Variants in ZNF254 observed in about 807,000 individuals in gnomAD.
The protein encoded by ZNF254 is zinc finger protein 254.
A neutral mutation model predicts 12.4 loss-of-function variants in ZNF254; 10 were observed. That is an observed-to-expected ratio of 0.80 (90% CI 0.50 to 1.36). ZNF254 has a LOEUF of 1.36. Ranked by LOEUF, ZNF254 falls within the 40% of genes most tolerant of loss-of-function variation. ZNF254 has a pLI of 0.00. For missense variants in ZNF254, 996 were observed against 763.9 expected (o/e 1.30, Z -3.58); for synonymous variants, 305 against 253.4 (o/e 1.20, Z -1.93).
intron 1 of ZNF254, among the ~76,000 whole-genome samples, chr19:24,094,491 T>C (rs956408140): frequency 1.2e-4 from 18 of 152,038 alleles, no homozygotes; most frequent in Non-Finnish European, 1.9e-4. Flanking sequence ...GAACTTCTGA[T>C]CTCGTGAGCC....
At chr19:24,115,166 C>A (rs1016426084) in intron 3 of ZNF254, among the ~76,000 whole-genome samples, 4 of 152,034 alleles carry the variant, frequency 2.6e-5, no homozygotes, top group Non-Finnish European at 4.4e-5. Flanking sequence ...CCACCCAACC[C>A]ATTACTGGGT....
At chr19:24,056,611 A>T (rs1369302753) in intron 2 of ZNF254, among the ~76,000 whole-genome samples, 2 of 152,146 alleles carry the variant, frequency 1.3e-5, no homozygotes, top group Non-Finnish European at 2.9e-5. Flanking sequence ...ATTGTGACAT[A>T]TCTTTAAGAG....
At chr19:24,062,472 G>A (rs1017664823) in intron 2 of ZNF254, among the ~76,000 whole-genome samples, 19 of 152,196 alleles carry the variant, frequency 1.2e-4, no homozygotes, top group Admixed American at 1.2e-3. Context: ...TTGGAGAGAT[G>A]TTAAATGTCA....
chr19:24,126,614 A>C lies in ZNF254; in HGVS notation c.614A>C (p.His205Pro), dbSNP rs756212232. ...SHKTQHKSIYHREKSYKCKEC... is the reference protein window; with the variant it reads ...SHKTQHKSIYPREKSYKCKEC... ...AAAACCCAACACAAAAGCATTTATCATAGAGAGAAGTCCTACAAATGTAAA... is the reference window on the plus strand; with the variant it reads ...AAAACCCAACACAAAAGCATTTATCCTAGAGAGAAGTCCTACAAATGTAAA... Residue 205 changes from histidine to proline, a missense_variant, in exon 4 of 4, where the codon CAT becomes CCT. Coordinates refer to ENST00000357002, the MANE Select transcript of ZNF254 (RefSeq NM_203282.4). The C allele has an allele frequency of 3.1e-6, 5 of 1,607,720 alleles. No individual in the cohort carries two copies. The highest frequency in any genetic ancestry group is 1.3e-5 in the African/African-American group (1 of 74,482).
At chr19:24,039,045 T>A (rs894295275) in intron 1 of ZNF254, among the ~76,000 whole-genome samples, 1 of 152,220 alleles carries the variant, frequency 6.6e-6, no homozygotes, top group Non-Finnish European at 1.5e-5. Context: ...AGTTCCAAAT[T>A]TTGAGTCCAG....
At chr19:24,042,017 T>C (rs2145206625) in intron 1 of ZNF254, among the ~76,000 whole-genome samples, 1 of 138,852 alleles carries the variant, frequency 7.2e-6, no homozygotes. Context: ...TGTATCTAGC[T>C]GCTCTGGTGA....
chr19:24,070,265 A>G (rs1488779764), intron 2 of ZNF254, among the ~76,000 whole-genome samples: 1 of 152,270 alleles, frequency 6.6e-6, no homozygotes, highest in Non-Finnish European at 1.5e-5. Flanking sequence ...CATATTGCAT[A>G]AAGTCCTCAG....
At chr19:24,045,826 C>T (rs1211406470) in intron 1 of ZNF254, among the ~76,000 whole-genome samples, 1 of 151,874 alleles carries the variant, frequency 6.6e-6, no homozygotes, top group Non-Finnish European at 1.5e-5. Flanking sequence ...ATAACAAGGG[C>T]TTTATTTCTT....
At chr19:24,087,991 C>G (rs1031754882) in intron 1 of ZNF254, among the ~76,000 whole-genome samples, 1 of 145,422 alleles carries the variant, frequency 6.9e-6, no homozygotes, top group Non-Finnish European at 1.5e-5. Context: ...TCTCGACTCA[C>G]TGCAACCTCC....
intron 2 of ZNF254, among the ~76,000 whole-genome samples, chr19:24,050,530 A>T (rs916716212): frequency 6.6e-6 from 1 of 152,232 alleles, no homozygotes; most frequent in African/African-American, 2.4e-5. Context: ...CACCAAGGTG[A>T]TATGACTCTC....
At chr19:24,054,044 G>A (rs1389527366) in intron 2 of ZNF254, among the ~76,000 whole-genome samples, 1 of 152,208 alleles carries the variant, frequency 6.6e-6, no homozygotes, top group Admixed American at 6.5e-5. Flanking sequence ...GCCCTGAACA[G>A]GAAATATTGT....
At chr19:24,043,777 G>A (rs1054872519) in intron 1 of ZNF254, among the ~76,000 whole-genome samples, 1 of 152,098 alleles carries the variant, frequency 6.6e-6, no homozygotes, top group African/African-American at 2.4e-5. Context: ...CCATTTCTGT[G>A]GGTGTGTGCA....
intron 3 of ZNF254, among the ~76,000 whole-genome samples, chr19:24,115,316 A>G (rs555716603): frequency 6.6e-6 from 1 of 152,124 alleles, no homozygotes; most frequent in African/African-American, 2.4e-5. Flanking sequence ...AAAATGTGGC[A>G]CATATACACC....
intron 2 of ZNF254, chr19:24,063,918 A>G (rs956895169): frequency 6.6e-6 from 1 of 151,854 alleles, no homozygotes; most frequent in East Asian, 1.9e-4. Flanking sequence ...ACCCATTACA[A>G]TCTCTTCTAC....
intron 1 of ZNF254, among the ~76,000 whole-genome samples, chr19:24,101,998 C>T (rs999431704): frequency 3.3e-5 from 5 of 152,194 alleles, no homozygotes; most frequent in Non-Finnish European, 7.3e-5. Flanking sequence ...AAGAGATAAA[C>T]TAATTGCTTC....
intron 1 of ZNF254, among the ~76,000 whole-genome samples, chr19:24,094,887 A>G (rs1181255787): frequency 2.0e-5 from 3 of 151,812 alleles, no homozygotes; most frequent in African/African-American, 4.8e-5. Context: ...GGGTTTTGCC[A>G]TGTTAGCCAG....
At chr19:24,086,451 G>A (rs914718013), upstream of ZNF254, among the ~76,000 whole-genome samples, 1 of 151,222 alleles carries the variant, frequency 6.6e-6, no homozygotes, top group Admixed American at 6.6e-5. Flanking sequence ...GGTTATAGGC[G>A]TGCGCCACCA....
chr19:24,061,388 A>G (rs1971060064), intron 2 of ZNF254, among the ~76,000 whole-genome samples: 1 of 152,210 alleles, frequency 6.6e-6, no homozygotes, highest in Admixed American at 6.5e-5. Context: ...AGCCCTGTCC[A>G]CAGGGGTTCT....
In ZNF254 at chr19:24,055,232, A is replaced by AAAAAAAAAAAAAAAAAAAG. The variant is rs1555753129; in HGVS notation, c.-94+8953_-94+8954insAAAAAAAAAAAAAAAAAAG. ...AAAAAAAAAAAAAAAAAAAAAAAAA[A>AAAAAAAAAAAAAAAAAAAG]GAGTGTACTAACAAGACCCAGCACA... On this transcript the variant is annotated intron_variant, in intron 2 of 4. Coordinates refer to the ZNF254 transcript ENST00000613065. 1.3e-3 allele frequency among the ~76,000 whole-genome samples: 161 copies of AAAAAAAAAAAAAAAAAAAG among 122,628 alleles called. 20 individuals are homozygous for AAAAAAAAAAAAAAAAAAAG. Among genetic ancestry groups the AAAAAAAAAAAAAAAAAAAG allele is most frequent in the Non-Finnish European group, 2.2e-3 (124 of 55,426 alleles). 80.4% of individuals were successfully genotyped at this position (122,628 alleles called of 152,430 possible).
Sources: gnomAD v4.1 joint callset for allele counts (sites outside exome capture counted in the v4.1 genomes callset) on GRCh38, gnomAD v4.1.1 for gene constraint, MANE v1.5 for transcripts, NCBI Gene and HGNC (gene_info 2026-07-23, HGNC 2026-07-21) for gene names.